The following SPATS2 variants were observed in gnomAD, a reference collection of about 807,000 sequenced individuals.
The protein encoded by SPATS2 is spermatogenesis-associated serine-rich protein 2.
A neutral mutation model predicts 63.7 loss-of-function variants in SPATS2; 38 were observed. That is an observed-to-expected ratio of 0.60 (90% confidence interval 0.46 to 0.78). SPATS2 has a LOEUF of 0.78. Among genes scored for constraint, SPATS2 ranks in the 30% least tolerant of loss-of-function variants. The pLI, the probability that SPATS2 is intolerant of heterozygous loss-of-function variation, is 0.00. For missense variants in SPATS2, 588 were observed against 666.2 expected (o/e 0.88, Z 1.29); for synonymous variants, 207 against 232.9 (o/e 0.89, Z 1.01).
At chr12:49,494,127 A>G (rs1025979576) in intron 6 of SPATS2, among the ~76,000 whole-genome samples, 4 of 152,206 alleles carry the variant, frequency 2.6e-5, no homozygotes, top group Non-Finnish European at 5.9e-5. Context: ...GTCAAAGAGT[A>G]TGTGCATTTG....
intron 3 of SPATS2, among the ~76,000 whole-genome samples, chr12:49,475,638 C>T (rs1413113741): frequency 6.6e-6 from 1 of 152,156 alleles, no homozygotes; most frequent in African/African-American, 2.4e-5. Flanking sequence ...GAGAGGGTTT[C>T]ACCATGTTGG....
intron 2 of SPATS2, among the ~76,000 whole-genome samples, chr12:49,381,411 TAA>T (rs1565693864): frequency 6.6e-6 from 1 of 152,228 alleles, no homozygotes; most frequent in African/African-American, 2.4e-5. Flanking sequence ...AGTGGAGATG[TAA>T]CAAAACCTGT....
rs149380714 is a variant in SPATS2, at chr12:49,526,255, A to G, written c.1638A>G (p.Ter546TrpextTer16). The G allele has an allele frequency of 3.6e-5, 58 of 1,600,550 alleles. No homozygotes were observed. In the African/African-American group the frequency reaches 6.6e-4, roughly 18 times the overall value. The change falls in exon 14 of 14, where the codon TGA becomes TGG. Residue 546 changes from the stop codon to tryptophan (W), a stop_lost. Coordinates refer to ENST00000552918, the MANE Select transcript of SPATS2 (RefSeq NM_023071.4). ...CTCAGACTGAAGCCGTGAACTCTTG[A>G]GAGAAAATCCAGTTGGCCTCTCTCC... ...RTSQTEAVNS[*>W]
chr12:49,374,331 G>C (rs1592335695), intron 2 of SPATS2, among the ~76,000 whole-genome samples: 1 of 152,020 alleles, frequency 6.6e-6, no homozygotes, highest in East Asian at 1.9e-4. Context: ...GTCTTGCTTT[G>C]TTGCCCAGGC....
chr12:49,387,233 A>C (rs1006412884), intron 2 of SPATS2: 2 of 152,288 alleles, frequency 1.3e-5, no homozygotes, highest in Admixed American at 6.5e-5. Context: ...AGTTGAAGGG[A>C]ATATTCAAAG....
intron 3 of SPATS2, among the ~76,000 whole-genome samples, chr12:49,478,619 G>T (rs1403186461): frequency 6.6e-6 from 1 of 152,196 alleles, no homozygotes; most frequent in African/African-American, 2.4e-5. Flanking sequence ...CTGCTCTTGA[G>T]TTTACTTTTT....
At chr12:49,479,068 G>A (rs1015483612) in intron 3 of SPATS2, among the ~76,000 whole-genome samples, 1 of 152,176 alleles carries the variant, frequency 6.6e-6, no homozygotes. Context: ...CAGAGAAGGT[G>A]GCTCCTCTCT....
At chr12:49,488,729 A>G (rs1592449727) in intron 4 of SPATS2, among the ~76,000 whole-genome samples, 1 of 152,194 alleles carries the variant, frequency 6.6e-6, no homozygotes, top group Non-Finnish European at 1.5e-5. Flanking sequence ...GAAAAAAACA[A>G]ATTGAAGATA....
At chr12:49,412,221 T>C (rs529727074) in intron 2 of SPATS2, among the ~76,000 whole-genome samples, 1 of 152,174 alleles carries the variant, frequency 6.6e-6, no homozygotes, top group East Asian at 1.9e-4. Context: ...TTGAGATGGA[T>C]TCTCTCTCTG....
At chr12:49,379,324 G>T (rs1944166984) in intron 2 of SPATS2, among the ~76,000 whole-genome samples, 1 of 150,222 alleles carries the variant, frequency 6.7e-6, no homozygotes, top group South Asian at 2.1e-4. Context: ...GAGGTGGGTG[G>T]ATCACGAGGT....
At chr12:49,513,415 C>G (rs1182936377) in intron 9 of SPATS2, among the ~76,000 whole-genome samples, 2 of 151,994 alleles carry the variant, frequency 1.3e-5, no homozygotes, top group East Asian at 1.9e-4. Context: ...AAAGCAAAAC[C>G]GATATGGTAA....
intron 9 of SPATS2, among the ~76,000 whole-genome samples, chr12:49,504,471 C>G (rs1946621483): frequency 6.6e-6 from 1 of 152,130 alleles, no homozygotes; most frequent in African/African-American, 2.4e-5. Flanking sequence ...TGGAGTGGAA[C>G]ATGAAGCTAG....
intron 2 of SPATS2, among the ~76,000 whole-genome samples, chr12:49,441,132 G>T (rs1164395341): frequency 1.3e-5 from 2 of 152,166 alleles, no homozygotes; most frequent in Admixed American, 6.5e-5. Context: ...TGTAATAAAT[G>T]ATCATCGTTT....
chr12:49,444,778 A>G (rs1300376563), intron 2 of SPATS2, among the ~76,000 whole-genome samples: 1 of 150,946 alleles, frequency 6.6e-6, no homozygotes, highest in Non-Finnish European at 1.5e-5. Flanking sequence ...TAGTTTTTGT[A>G]TTTTTAGTAG....
intron 2 of SPATS2, among the ~76,000 whole-genome samples, chr12:49,438,500 A>G (rs938312970): frequency 6.6e-6 from 1 of 152,136 alleles, no homozygotes; most frequent in Non-Finnish European, 1.5e-5. Context: ...TTTATTAGCA[A>G]ATTCCAGATA....
chr12:49,419,809 G>C (rs1470659536), intron 2 of SPATS2, among the ~76,000 whole-genome samples: 2 of 152,192 alleles, frequency 1.3e-5, no homozygotes, highest in African/African-American at 2.4e-5. Flanking sequence ...TGATTGTACA[G>C]ATGTGGACTG....
At chr12:49,413,535 A>G (rs546728480) in intron 2 of SPATS2, among the ~76,000 whole-genome samples, 66 of 151,966 alleles carry the variant, frequency 4.3e-4, no homozygotes, top group African/African-American at 1.5e-3. Flanking sequence ...AGCACGTCAT[A>G]TTCCAAGGGT....
intron 9 of SPATS2, 150 bp from the exon 10 acceptor site, chr12:49,514,405 C>T (rs1200581936): frequency 1.6e-6 from 1 of 618,856 alleles, no homozygotes; most frequent in Non-Finnish European, 2.7e-6. Context: ...GAGAGTAAGA[C>T]ATCAGAATTT....
At position 49,425,774 on chromosome 12, in the gene SPATS2, C is replaced by T. The variant is rs991559032; in HGVS notation, c.-243-34996C>T. Reference sequence around the variant, plus strand: ...CCTCCCAAGTAGCTGGGATTACAGGCGCATGCCACCATACCCAGCTAATTT... The same window carrying T: ...CCTCCCAAGTAGCTGGGATTACAGGTGCATGCCACCATACCCAGCTAATTT... On this transcript the variant is annotated intron_variant, in intron 2 of 13. Transcript: ENST00000552918. 7.9e-5 allele frequency among the ~76,000 whole-genome samples: 12 copies of T among 152,194 alleles called. No individual in the cohort carries two copies. The South Asian group carries it at 8.3e-4, about 11-fold the overall frequency.
Sources: gnomAD v4.1 joint callset for allele counts (sites outside exome capture counted in the v4.1 genomes callset) on GRCh38, gnomAD v4.1.1 for gene constraint, MANE v1.5 for transcripts, NCBI Gene and HGNC (gene_info 2026-07-23, HGNC 2026-07-21) for gene names.